SLCO1B1: variants seen among roughly 807,000 people sequenced by gnomAD.
The protein encoded by SLCO1B1 is solute carrier organic anion transporter family member 1B1.
In SLCO1B1, 81 loss-of-function variants were observed where a neutral mutation model predicts 70.1. The observed-to-expected ratio is 1.16, with a 90% CI of 0.97 to 1.39. The LOEUF is 1.39. Ranked by LOEUF, SLCO1B1 falls within the 40% of genes most tolerant of loss-of-function variation. The probability of loss-of-function intolerance (pLI) is 0.00; values close to 1 mark genes in which losing one functional copy is unlikely to be tolerated. For missense variants in SLCO1B1, 895 were observed against 799.6 expected (o/e 1.12, Z -1.44); for synonymous variants, 283 against 271.5 (o/e 1.04, Z -0.42).
chr12:21,201,511 A>G (rs1941156998), intron 9 of SLCO1B1, among the ~76,000 whole-genome samples: 1 of 152,194 alleles, frequency 6.6e-6, no homozygotes, highest in South Asian at 2.1e-4. Flanking sequence ...AACATTATTA[A>G]TCCTGTATGT....
In SLCO1B1 at chr12:21,206,745, T is replaced by C. The variant is rs574838980; in HGVS notation, c.1497+712T>C. 3.9e-5 allele frequency among the ~76,000 whole-genome samples: 6 copies of C among 152,056 alleles called. No individual in the cohort carries two copies. In the East Asian group the frequency reaches 1.2e-3, roughly 29 times the overall value. On this transcript the variant is annotated intron_variant, in intron 11 of 14. Coordinates refer to ENST00000256958, the MANE Select transcript of SLCO1B1 (RefSeq NM_006446.5). Reference sequence around the variant, plus strand: ...GTAGCTACCTGTCACTGGGAATGGGTTATGGTGTTTCCCATACCTACAATC... The same window carrying C: ...GTAGCTACCTGTCACTGGGAATGGGCTATGGTGTTTCCCATACCTACAATC...
intron 7 of SLCO1B1, among the ~76,000 whole-genome samples, chr12:21,185,384 A>C (rs1194456662): frequency 6.6e-6 from 1 of 152,118 alleles, no homozygotes; most frequent in Non-Finnish European, 1.5e-5. Context: ...ACATTCAAAA[A>C]ATTAAAAGAT....
intron 8 of SLCO1B1, among the ~76,000 whole-genome samples, chr12:21,198,586 C>T (rs1591817418): frequency 6.6e-6 from 1 of 151,632 alleles, no homozygotes; most frequent in Non-Finnish European, 1.5e-5. Flanking sequence ...GTAGGTGTGA[C>T]CCTAAGAAAG....
Position 21,178,795 on chromosome 12 carries a change from A to G in SLCO1B1, c.628+73A>G, listed in dbSNP as rs1365972198. ...ACTTTTGAAATAGTAGAGTTACTAA[A>G]CTTATTATTTTACCTATTAGAACAT... On this transcript the variant is annotated intron_variant, in intron 6 of 14. Coordinates refer to ENST00000256958, the MANE Select transcript of SLCO1B1 (RefSeq NM_006446.5). 3.5e-6 allele frequency: 5 copies of G among 1,443,816 alleles called. No homozygotes were observed. The Admixed American group carries it at 8.4e-5, about 24-fold the overall frequency. The allele number at this position is 1,443,816 out of a possible 1,614,324, so 89.4% of individuals were successfully genotyped here.
At chr12:21,225,787 A>C (rs1422158542) in intron 14 of SLCO1B1, among the ~76,000 whole-genome samples, 2 of 152,192 alleles carry the variant, frequency 1.3e-5, no homozygotes, top group African/African-American at 4.8e-5. Flanking sequence ...TTTTTCTTTC[A>C]TTGCTGGTGG....
intron 1 of SLCO1B1, among the ~76,000 whole-genome samples, chr12:21,140,931 G>A (rs914994910): frequency 6.6e-6 from 1 of 151,896 alleles, no homozygotes; most frequent in African/African-American, 2.4e-5. Context: ...ATGGTGGTAA[G>A]GTCAAGCAAT....
intron 2 of SLCO1B1, among the ~76,000 whole-genome samples, chr12:21,155,669 G>C (rs769449185): frequency 1.3e-5 from 2 of 152,146 alleles, no homozygotes; most frequent in Non-Finnish European, 2.9e-5. Context: ...AACCCTGAAA[G>C]CTCAGAAAAA....
At chr12:21,175,949 G>A (rs1019319646) in intron 4 of SLCO1B1, among the ~76,000 whole-genome samples, 1 of 151,942 alleles carries the variant, frequency 6.6e-6, no homozygotes, top group East Asian at 1.9e-4. Flanking sequence ...TTTGCACCTG[G>A]TATTTCTACA....
At chr12:21,205,757 A>G (rs1941207960) in intron 10 of SLCO1B1, 111 bp from the exon 11 acceptor site, 2 of 668,312 alleles carry the variant, frequency 3.0e-6, no homozygotes, top group Non-Finnish European at 4.5e-6. Context: ...TTCTTTATCT[A>G]CTTTTTTTCC....
chr12:21,219,976 G>T (rs1033637427), intron 12 of SLCO1B1, among the ~76,000 whole-genome samples: 4 of 152,122 alleles, frequency 2.6e-5, no homozygotes, highest in Non-Finnish European at 4.4e-5. Flanking sequence ...GGCCAGGCTG[G>T]TCTCAAACTC....
chr12:21,164,257 C>T (rs1015670232), intron 2 of SLCO1B1, among the ~76,000 whole-genome samples: 16 of 152,128 alleles, frequency 1.1e-4, no homozygotes, highest in East Asian at 9.7e-4. Flanking sequence ...ATGTCAAATT[C>T]GACTTGTGAA....
At chr12:21,144,691 G>A (rs1940357725) in intron 2 of SLCO1B1, among the ~76,000 whole-genome samples, 1 of 152,110 alleles carries the variant, frequency 6.6e-6, no homozygotes, top group Admixed American at 6.6e-5. Flanking sequence ...TACAAAAGGA[G>A]CCCCATCAGT....
At chr12:21,168,960 C>A (rs1237350186) in intron 2 of SLCO1B1, among the ~76,000 whole-genome samples, 1 of 150,352 alleles carries the variant, frequency 6.7e-6, no homozygotes, top group Non-Finnish European at 1.5e-5. Context: ...ATTGAATGTC[C>A]TGAAGCTTTT....
chr12:21,175,342 C>T (rs1424986821), intron 4 of SLCO1B1, among the ~76,000 whole-genome samples: 1 of 152,110 alleles, frequency 6.6e-6, no homozygotes, highest in Admixed American at 6.5e-5. Flanking sequence ...TCCACACAGG[C>T]TGAGGCTTAA....
intron 10 of SLCO1B1, among the ~76,000 whole-genome samples, chr12:21,205,138 T>C (rs536974813): frequency 1.3e-5 from 2 of 152,100 alleles, no homozygotes; most frequent in East Asian, 3.9e-4. Flanking sequence ...CCTCAATTAT[T>C]ATCAAATTAA....
intron 7 of SLCO1B1, among the ~76,000 whole-genome samples, chr12:21,191,015 A>G (rs1459577055): frequency 6.6e-6 from 1 of 151,838 alleles, no homozygotes; most frequent in Non-Finnish European, 1.5e-5. Context: ...TTCTGTCTTT[A>G]TGCTGGTACC....
rs1470922050 is a variant in SLCO1B1, at chr12:21,234,383, G to A, written c.1866-4596G>A. ...GCAATTTGGTTAGAGTCAGAATCTT[G>A]TAGCCTCCAGATGCATTACTCCTAA... On this transcript the variant is annotated intron_variant, in intron 14 of 14. Transcript: ENST00000256958. Among the ~76,000 whole-genome samples, 3 of 152,148 alleles carry A rather than the reference G, an allele frequency of 2.0e-5. No homozygotes were observed. In the East Asian group the frequency reaches 5.8e-4, roughly 29 times the overall value.
At position 21,172,658 on chromosome 12, in the gene SLCO1B1, G is replaced by T; in HGVS notation, c.93G>T (p.Leu31Phe). The change falls in exon 3 of 15, where the codon TTG becomes TTT. Residue 31 changes from leucine (L) to phenylalanine (F), a missense_variant. Physicochemically the swap from Leu to Phe is conservative, Grantham distance 22. Transcript: ENST00000256958. Reference protein sequence around the residue: ...TRYCNGLKMFLAALSLSFIAK... With the variant: ...TRYCNGLKMFFAALSLSFIAK... ...CTTCTGATTTTTCTTAGATGTTCTT[G>T]GCAGCTCTGTCACTCAGCTTTATTG... The T allele has an allele frequency of 6.2e-7, 1 of 1,613,612 alleles. No individual in the cohort carries two copies. The highest frequency in any genetic ancestry group is 1.3e-5 in the African/African-American group (1 of 74,994).
At chr12:21,204,518 CAAA>C (rs75620209) in intron 10 of SLCO1B1, among the ~76,000 whole-genome samples, 1 of 107,244 alleles carries the variant, frequency 9.3e-6, no homozygotes. Flanking sequence ...ATTTTTTTTC[CAAA>C]AAAAAAAAAA....
Sources: gnomAD v4.1 joint callset for allele counts (sites outside exome capture counted in the v4.1 genomes callset) on GRCh38, gnomAD v4.1.1 for gene constraint, MANE v1.5 for transcripts, NCBI Gene and HGNC (gene_info 2026-07-23, HGNC 2026-07-21) for gene names.